Variants in RPRD1A observed in about 807,000 individuals in gnomAD.
The protein encoded by RPRD1A is regulation of nuclear pre-mRNA domain-containing protein 1A.
RPRD1A carries 9 observed loss-of-function variants against 37.8 expected under a neutral mutation model. The observed-to-expected ratio is 0.24, with a 90% CI of 0.14 to 0.42. The LOEUF is 0.42. RPRD1A is among the 10% of genes least tolerant of loss of function. The probability of loss-of-function intolerance (pLI) is 1.00; values close to 1 mark genes in which losing one functional copy is unlikely to be tolerated. For synonymous variants in RPRD1A, 138 were observed against 139.7 expected (o/e 0.99, Z 0.08); for missense variants, 255 against 371.0 (o/e 0.69, Z 2.57).
At chr18:36,022,184 G>C (rs939404266) in intron 6 of RPRD1A, among the ~76,000 whole-genome samples, 2 of 152,170 alleles carry the variant, frequency 1.3e-5, no homozygotes, top group African/African-American at 4.8e-5. Context: ...CCTGAGGGAG[G>C]TAAAGAAGCT....
chr18:36,013,840 AC>A (rs1265089243), intron 6 of RPRD1A, among the ~76,000 whole-genome samples: 1 of 152,188 alleles, frequency 6.6e-6, no homozygotes, highest in Non-Finnish European at 1.5e-5. Flanking sequence ...AAACAGTAAA[AC>A]GTTTCAAAAA....
chr18:35,994,329 AG>A lies in RPRD1A; in HGVS notation c.790-1030del, dbSNP rs1908891778. On this transcript the variant is annotated intron_variant, in intron 6 of 6. Transcript: ENST00000399022. The stretch of plus-strand genomic sequence containing the variant: ...AAACATCTAAGGAAGAAACCCAGCT[AG>A]GAGTTTACTGCAACTCTCCAGGAAA... Among the ~76,000 whole-genome samples, 3 of 152,256 alleles carry A rather than the reference AG, an allele frequency of 2.0e-5. No individual in the cohort carries two copies. In the South Asian group the frequency reaches 6.2e-4, roughly 31 times the overall value.
intron 1 of RPRD1A, 127 bp downstream of exon 1, chr18:36,067,127 C>T: frequency 1.0e-6 from 1 of 986,746 alleles, no homozygotes; most frequent in Non-Finnish European, 1.5e-6. Context: ...CTCCTCCAAG[C>T]CCGCAGACCA....
rs1365368062 is a variant in RPRD1A, at chr18:36,033,629, T to C, written c.281+79A>G. ...CTATATTCCCTACTTTTTATTTTAA[T>C]AGTTTAAGGCAAATTTTAGCAAAAG... is the stretch of plus-strand genomic sequence containing the variant. On this transcript the variant is annotated intron_variant, in intron 2 of 6. Coordinates refer to ENST00000399022, the MANE Select transcript of RPRD1A (RefSeq NM_018170.5). 4.0e-6 allele frequency: 5 copies of C among 1,244,634 alleles called. No individual in the cohort carries two copies. The African/African-American group carries it at 6.0e-5, about 15-fold the overall frequency. The allele number at this position is 1,244,634 out of a possible 1,614,324, so 77.1% of individuals were successfully genotyped here.
intron 1 of RPRD1A, among the ~76,000 whole-genome samples, chr18:36,064,894 C>A (rs1233408555): frequency 6.6e-6 from 1 of 151,040 alleles, no homozygotes; most frequent in Non-Finnish European, 1.5e-5. Flanking sequence ...CTGAAGCCAG[C>A]GAGACCACGA....
intron 2 of RPRD1A, among the ~76,000 whole-genome samples, chr18:36,032,131 C>G (rs530380140): frequency 2.0e-5 from 3 of 152,346 alleles, no homozygotes; most frequent in Admixed American, 6.5e-5. Flanking sequence ...TGAGCGCCCT[C>G]ATACTATCTA....
chr18:36,017,685 T>C (rs1442946002), intron 6 of RPRD1A, among the ~76,000 whole-genome samples: 1 of 152,272 alleles, frequency 6.6e-6, no homozygotes, highest in African/African-American at 2.4e-5. Flanking sequence ...CAGAGTTCTA[T>C]GAATGCCTCT....
At chr18:36,023,184 T>C (rs1911128080) in intron 6 of RPRD1A, among the ~76,000 whole-genome samples, 1 of 152,198 alleles carries the variant, frequency 6.6e-6, no homozygotes, top group Non-Finnish European at 1.5e-5. Flanking sequence ...GCAAAGTAAC[T>C]GAAAACTTTC....
Position 35,991,717 on chromosome 18 carries a change from AAG to A in RPRD1A, c.*1432_*1433del, listed in dbSNP as rs1908728656. 1.3e-5 allele frequency: 2 copies of A among 152,316 alleles called. No homozygotes were observed. The highest frequency in any genetic ancestry group is 2.9e-5 in the Non-Finnish European group (2 of 68,020). 9.4% of individuals were successfully genotyped at this position (152,316 alleles called of 1,614,324 possible). On this transcript the variant is annotated 3_prime_UTR_variant, in exon 7 of 7. Coordinates refer to ENST00000399022, the MANE Select transcript of RPRD1A (RefSeq NM_018170.5). Reference sequence around the variant, plus strand: ...TTTTGGAGAGAGGTCAAATTGTTAAAAGAACTATTTGCAGAACTACTTGGCTA... The same window carrying A: ...TTTTGGAGAGAGGTCAAATTGTTAAAAACTATTTGCAGAACTACTTGGCTA...
intron 1 of RPRD1A, among the ~76,000 whole-genome samples, chr18:36,058,435 T>C (rs776368482): frequency 6.6e-6 from 1 of 152,150 alleles, no homozygotes; most frequent in Non-Finnish European, 1.5e-5. Context: ...TTACAGATTG[T>C]TTGTTTAATG....
intron 6 of RPRD1A, among the ~76,000 whole-genome samples, chr18:36,005,772 A>C (rs949031079): frequency 4.6e-5 from 7 of 152,208 alleles, no homozygotes; most frequent in East Asian, 1.9e-4. Context: ...TACTCCATAT[A>C]TCACTCACTG....
At chr18:36,018,035 C>T (rs943445671) in intron 6 of RPRD1A, among the ~76,000 whole-genome samples, 1 of 152,186 alleles carries the variant, frequency 6.6e-6, no homozygotes, top group Admixed American at 6.5e-5. Flanking sequence ...ATAATTTACT[C>T]CTTTGTTCAA....
chr18:36,042,283 A>G (rs1568141217), intron 1 of RPRD1A, among the ~76,000 whole-genome samples: 3 of 152,148 alleles, frequency 2.0e-5, no homozygotes, highest in Admixed American at 6.6e-5. Flanking sequence ...TACCCTAACT[A>G]TAATTATTTT....
chr18:36,020,228 C>A (rs1415100935), intron 6 of RPRD1A, among the ~76,000 whole-genome samples: 3 of 152,174 alleles, frequency 2.0e-5, no homozygotes, highest in African/African-American at 7.2e-5. Flanking sequence ...GAAGGATCAA[C>A]TAAAACTCTA....
chr18:36,002,391 T>G (rs974682663), intron 6 of RPRD1A, among the ~76,000 whole-genome samples: 24 of 152,184 alleles, frequency 1.6e-4, no homozygotes, highest in African/African-American at 5.1e-4. Context: ...CAGTGCCCAG[T>G]CTGCTGAACT....
chr18:36,051,568 C>A (rs928787250), intron 1 of RPRD1A, among the ~76,000 whole-genome samples: 1 of 152,174 alleles, frequency 6.6e-6, no homozygotes, highest in African/African-American at 2.4e-5. Flanking sequence ...AGATTCTACA[C>A]ACTTTCCAAC....
chr18:36,055,257 T>C (rs541139850), intron 1 of RPRD1A, among the ~76,000 whole-genome samples: 37 of 152,390 alleles, frequency 2.4e-4, no homozygotes, highest in African/African-American at 8.9e-4. Context: ...AACTATACTC[T>C]GAAGCAAAAT....
intron 6 of RPRD1A, among the ~76,000 whole-genome samples, chr18:35,999,449 G>A (rs1909286749): frequency 6.6e-6 from 1 of 152,166 alleles, no homozygotes; most frequent in Non-Finnish European, 1.5e-5. Context: ...GAATCACCTT[G>A]CAGTAAGAAC....
At chr18:36,053,900 G>A (rs76646560) in intron 1 of RPRD1A, among the ~76,000 whole-genome samples, 4,349 of 151,858 alleles carry the variant, frequency 0.029, 228 homozygotes, top group African/African-American at 0.099. Flanking sequence ...TATGAAGGAA[G>A]GGGTTGAAAC....
Sources: gnomAD v4.1 joint callset for allele counts (sites outside exome capture counted in the v4.1 genomes callset) on GRCh38, gnomAD v4.1.1 for gene constraint, MANE v1.5 for transcripts, NCBI Gene and HGNC (gene_info 2026-07-23, HGNC 2026-07-21) for gene names.